Variants in PCDH15 observed in about 807,000 individuals in gnomAD.
The protein encoded by PCDH15 is protocadherin related 15, also known as protocadherin-15.
In PCDH15, 129 loss-of-function variants were observed where a neutral mutation model predicts 178.5. The observed-to-expected ratio is 0.72, with a 90% CI of 0.63 to 0.84. The LOEUF is 0.84. PCDH15 is among the 40% of genes least tolerant of loss of function. The probability of loss-of-function intolerance (pLI) is 0.00; values close to 1 mark genes in which losing one functional copy is unlikely to be tolerated. For missense variants in PCDH15, 2,230 were observed against 2,099.9 expected, an observed-to-expected ratio of 1.06 and a Z score of -1.21; for synonymous variants, 800 against 732.0, an observed-to-expected ratio of 1.09 and a Z score of -1.50.
intron 2 of PCDH15, among the ~76,000 whole-genome samples, chr10:54,612,664 C>T (rs2134268418): frequency 6.6e-6 from 1 of 151,524 alleles, no homozygotes; most frequent in African/African-American, 2.4e-5. Flanking sequence ...TTTGCCTCGA[C>T]TTACTTATAT....
rs996580211 is a variant in PCDH15, at chr10:54,072,826, A to T, written c.2092-5941T>A. ...AGAGGTGTCAAGAGAGAGAAGCCAT[A>T]CTACCAGCATAAAGGACTGGTAAAT... On this transcript the variant is annotated intron_variant, in intron 17 of 37. Transcript: ENST00000644397. 4.6e-4 allele frequency among the ~76,000 whole-genome samples: 70 copies of T among 152,336 alleles called. 2 individuals are homozygous for T. The highest frequency in any genetic ancestry group is 8.8e-4 in the Non-Finnish European group (60 of 68,028).
At chr10:55,456,699 TG>T (rs1839561451) in intron 2 of PCDH15, among the ~76,000 whole-genome samples, 1 of 152,018 alleles carries the variant, frequency 6.6e-6, no homozygotes, top group African/African-American at 2.4e-5. Flanking sequence ...GACTGAATTA[TG>T]TAAGAATCAT....
At position 55,237,516 on chromosome 10, in the gene PCDH15, T is replaced by C. The variant is rs1278668710; in HGVS notation, c.-155-70865A>G. On this transcript the variant is annotated intron_variant, in intron 1 of 5. Coordinates refer to the PCDH15 transcript ENST00000458638. ...ATTACTTGGTCAGTCACTCATACTG[T>C]TAGTAGGAGAGATTTCAGTAGATTA... 5.3e-5 allele frequency among the ~76,000 whole-genome samples: 8 copies of C among 152,258 alleles called. No homozygotes were observed. In the South Asian group the frequency reaches 1.2e-3, roughly 24 times the overall value.
intron 32 of PCDH15, among the ~76,000 whole-genome samples, chr10:53,826,025 C>A (rs1205114051): frequency 1.3e-5 from 2 of 151,616 alleles, no homozygotes; most frequent in Non-Finnish European, 3.0e-5. Flanking sequence ...TATAAACACA[C>A]AACTTTACAC....
intron 2 of PCDH15, among the ~76,000 whole-genome samples, chr10:55,524,450 A>G (rs1275499145): frequency 7.3e-5 from 11 of 151,696 alleles, no homozygotes; most frequent in Admixed American, 2.0e-4. Context: ...AAGAATGTAA[A>G]ATATCTCATT....
intron 2 of PCDH15, among the ~76,000 whole-genome samples, chr10:54,907,315 A>G (rs1198874435): frequency 6.6e-6 from 1 of 152,172 alleles, no homozygotes; most frequent in Non-Finnish European, 1.5e-5. Context: ...TTATGCATGT[A>G]TTTCTTCTTT....
intron 3 of PCDH15, among the ~76,000 whole-genome samples, chr10:54,848,191 C>T (rs1282257043): frequency 3.3e-5 from 5 of 151,956 alleles, no homozygotes; most frequent in Non-Finnish European, 7.4e-5. Flanking sequence ...CCAGCCTGGC[C>T]AACATGGTGA....
intron 3 of PCDH15, among the ~76,000 whole-genome samples, chr10:54,479,319 T>C (rs934168019): frequency 3.9e-5 from 6 of 152,016 alleles, no homozygotes; most frequent in Admixed American, 3.9e-4. Flanking sequence ...TGATGCTGCA[T>C]GTCTGGTTTG....
intron 20 of PCDH15, among the ~76,000 whole-genome samples, chr10:54,001,432 T>G (rs185288680): frequency 3.3e-5 from 5 of 151,968 alleles, no homozygotes. Context: ...TTAAAAAGCA[T>G]GGAGATGAAG....
At chr10:55,109,174 A>C (rs1936764786) in intron 2 of PCDH15, among the ~76,000 whole-genome samples, 2 of 152,230 alleles carry the variant, frequency 1.3e-5, no homozygotes, top group Admixed American at 6.5e-5. Flanking sequence ...ATTCAGATTT[A>C]TGCTAATTAA....
intron 9 of PCDH15, among the ~76,000 whole-genome samples, chr10:54,219,116 AAAC>A (rs1252610206): frequency 1.2e-4 from 17 of 143,754 alleles, no homozygotes; most frequent in African/African-American, 4.6e-4. Flanking sequence ...AACAAAAAAA[AAAC>A]AAAAAATTAG....
chr10:55,346,974 G>C (rs1216890763), intron 2 of PCDH15, among the ~76,000 whole-genome samples: 1 of 152,062 alleles, frequency 6.6e-6, no homozygotes, highest in Non-Finnish European at 1.5e-5. Flanking sequence ...CAGCACTTTG[G>C]GGGGCTGAGG....
At chr10:53,913,335 A>T (rs1307735354) in intron 25 of PCDH15, among the ~76,000 whole-genome samples, 2 of 152,124 alleles carry the variant, frequency 1.3e-5, no homozygotes, top group Non-Finnish European at 2.9e-5. Context: ...AACCATAAAA[A>T]CCTAGAAGAA....
chr10:55,003,853 T>C (rs1402452704), intron 2 of PCDH15, among the ~76,000 whole-genome samples: 2 of 152,182 alleles, frequency 1.3e-5, no homozygotes, highest in South Asian at 2.1e-4. Flanking sequence ...ACAATTTCAC[T>C]TTCTGACAGG....
At chr10:55,203,873 G>T (rs1321356809) in intron 1 of PCDH15, among the ~76,000 whole-genome samples, 1 of 151,780 alleles carries the variant, frequency 6.6e-6, no homozygotes, top group African/African-American at 2.4e-5. Context: ...TTTCTAAAGT[G>T]CTGTGTTATT....
In PCDH15 at chr10:53,878,453, ATG is replaced by A. The variant is rs1441209764; in HGVS notation, c.3502-11598_3502-11597del. On this transcript the variant is annotated intron_variant, in intron 26 of 37. Transcript: ENST00000644397. ...ATATATATATCTCCATATATATAAA[ATG>A]TGTGTGTATGCCATAGTATAGTATA... 2.1e-5 allele frequency among the ~76,000 whole-genome samples: 3 copies of A among 143,346 alleles called. No individual in the cohort carries two copies. In the Admixed American group the frequency reaches 2.2e-4, roughly 11 times the overall value. The allele number at this position is 143,346 out of a possible 152,430, so 94.0% of individuals were successfully genotyped here.
intron 29 of PCDH15, among the ~76,000 whole-genome samples, chr10:53,836,769 C>G (rs1174288583): frequency 6.6e-6 from 1 of 152,120 alleles, no homozygotes; most frequent in Non-Finnish European, 1.5e-5. Context: ...TATAAAACAA[C>G]CATTTTCAAG....
intron 2 of PCDH15, among the ~76,000 whole-genome samples, chr10:55,569,896 G>A (rs1564459007): frequency 1.3e-5 from 2 of 151,788 alleles, no homozygotes; most frequent in South Asian, 4.2e-4. Context: ...CTGAGGCAGA[G>A]GTAATACAAT....
chr10:54,370,540 C>A (rs1368994379), intron 4 of PCDH15, among the ~76,000 whole-genome samples: 1 of 151,840 alleles, frequency 6.6e-6, no homozygotes, highest in Admixed American at 6.6e-5. Flanking sequence ...AGTCAAACTG[C>A]ATGGCTTCCA....
Sources: gnomAD v4.1 joint callset for allele counts (sites outside exome capture counted in the v4.1 genomes callset) on GRCh38, gnomAD v4.1.1 for gene constraint, MANE v1.5 for transcripts, NCBI Gene and HGNC (gene_info 2026-07-23, HGNC 2026-07-21) for gene names.